H2BC12: variants seen among roughly 807,000 people sequenced by gnomAD.
H2BC12 encodes the protein H2B clustered histone 12.
A neutral mutation model predicts 6.3 loss-of-function variants in H2BC12; 6 were observed. The observed-to-expected ratio is 0.95, with a 90% CI of 0.52 to 1.87. The LOEUF is 1.87. Among genes scored for constraint, H2BC12 ranks in the 40% most tolerant of loss-of-function variants. The probability of loss-of-function intolerance (pLI) is 0.01; values close to 1 mark genes in which losing one functional copy is unlikely to be tolerated. For missense variants in H2BC12, 119 were observed against 178.4 expected, an observed-to-expected ratio of 0.67 and a Z score of 1.90; for synonymous variants, 132 against 78.5, an observed-to-expected ratio of 1.68 and a Z score of -3.60.
rs769686991 is a variant in H2BC12, at chr6:27,146,812, T to G, written c.-14A>C. The G allele has an allele frequency of 1.9e-6, 3 of 1,613,050 alleles. No individual in the cohort carries two copies. The East Asian group carries it at 6.7e-5, about 36-fold the overall frequency. On this transcript the variant is annotated 5_prime_UTR_variant, in exon 1 of 1. Transcript: ENST00000356950. ...TGGTTCCGGCATGTTGAAGGCGAAC[T>G]ACGAGCCTGAGACGAGCAGCAGATC... is the stretch of plus-strand genomic sequence containing the variant.
At chr6:27,142,845 C>G (rs1381895437), downstream of H2BC12, among the ~76,000 whole-genome samples, 1 of 150,636 alleles carries the variant, frequency 6.6e-6, no homozygotes, top group Non-Finnish European at 1.5e-5. Context: ...CCATACTGGC[C>G]AGGCAGGTCT....
downstream of H2BC12, chr6:27,146,335 T>C: frequency 6.3e-7 from 1 of 1,590,282 alleles, no homozygotes; most frequent in Non-Finnish European, 8.6e-7. Flanking sequence ...TAGGAACACG[T>C]GTTTACAGCT....
chr6:27,145,800 GCTC>G (rs1201376031), downstream of H2BC12, among the ~76,000 whole-genome samples: 1 of 152,292 alleles, frequency 6.6e-6, no homozygotes, highest in Admixed American at 6.5e-5. Flanking sequence ...GAAAAGCTGT[GCTC>G]CTCCCCTTAC....
downstream of H2BC12, among the ~76,000 whole-genome samples, chr6:27,143,355 A>G (rs891492226): frequency 2.0e-5 from 3 of 148,624 alleles, no homozygotes; most frequent in African/African-American, 7.7e-5. Flanking sequence ...GTCTCAAAAA[A>G]AAGAAAAAAA....
chr6:27,146,124 C>T (rs1370605448), downstream of H2BC12, among the ~76,000 whole-genome samples: 1 of 152,216 alleles, frequency 6.6e-6, no homozygotes, highest in Non-Finnish European at 1.5e-5. Flanking sequence ...ATTTTCGCGC[C>T]AAGAGCCAGG....
downstream of H2BC12, among the ~76,000 whole-genome samples, chr6:27,145,600 C>A (rs551621156): frequency 6.6e-6 from 1 of 152,276 alleles, no homozygotes; most frequent in South Asian, 2.1e-4. Context: ...TGCTTCGGGG[C>A]GGACTGTCTC....
the H2BC12 span, among the ~76,000 whole-genome samples, chr6:27,140,495 ATACTT>A: frequency 3.3e-5 from 5 of 152,088 alleles, no homozygotes; most frequent in African/African-American, 9.7e-5. Context: ...GTGTCAGTAA[ATACTT>A]TATTCATTTC....
downstream of H2BC12, among the ~76,000 whole-genome samples, chr6:27,144,418 C>T (rs1270439093): frequency 7.7e-6 from 1 of 130,200 alleles, no homozygotes; most frequent in African/African-American, 2.9e-5. Flanking sequence ...GCCAAGATCT[C>T]GCCGTTGCAC....
At chr6:27,140,385 C>CTATTT in the H2BC12 span, among the ~76,000 whole-genome samples, 1 of 152,198 alleles carries the variant, frequency 6.6e-6, no homozygotes, top group Non-Finnish European at 1.5e-5. Context: ...TACCCCTAAT[C>CTATTT]TATTTTAATC....
the H2BC12 span, among the ~76,000 whole-genome samples, chr6:27,140,811 T>C: frequency 6.6e-6 from 1 of 152,152 alleles, no homozygotes; most frequent in African/African-American, 2.4e-5. Flanking sequence ...ACAGTTTTTA[T>C]TTTATGAGAT....
downstream of H2BC12, among the ~76,000 whole-genome samples, chr6:27,142,924 C>T (rs534175082): frequency 2.6e-5 from 4 of 152,146 alleles, no homozygotes; most frequent in Non-Finnish European, 4.4e-5. Context: ...CATGAGCCAT[C>T]GCACGTGGCC....
In H2BC12 at chr6:27,146,738, T is replaced by C. The variant is rs1454967257; in HGVS notation, c.61A>G (p.Lys21Glu). ...PKKGSKKAVT[K>E]AQKKDGKKRK... ...TTCTTGCCGTCCTTCTTCTGCGCCT[T>C]AGTCACGGCTTTCTTCGAGCCCTTC... Residue 21 changes from lysine (K) to glutamate (E), a missense_variant, in exon 1 of 1, where the codon AAG becomes GAG. Coordinates refer to ENST00000356950, the MANE Select transcript of H2BC12 (RefSeq NM_001312653.2). The C allele has an allele frequency of 2.5e-6, 4 of 1,614,126 alleles. No homozygotes were observed. Among genetic ancestry groups the C allele is most frequent in the Non-Finnish European group, 3.4e-6 (4 of 1,180,040 alleles).
chr6:27,145,924 C>A (rs1457983099), downstream of H2BC12, among the ~76,000 whole-genome samples: 1 of 152,076 alleles, frequency 6.6e-6, no homozygotes, highest in Admixed American at 6.6e-5. Context: ...CTGGGTACAG[C>A]CTAGAAGAGG....
At chr6:27,144,639 G>A (rs1166132841), downstream of H2BC12, among the ~76,000 whole-genome samples, 2 of 150,286 alleles carry the variant, frequency 1.3e-5, no homozygotes, top group African/African-American at 4.9e-5. Flanking sequence ...AGGACTGAAA[G>A]TAAATTGTAT....
downstream of H2BC12, among the ~76,000 whole-genome samples, chr6:27,143,879 CAG>C (rs1165611143): frequency 2.1e-5 from 3 of 140,556 alleles, no homozygotes; most frequent in South Asian, 4.4e-4. Flanking sequence ...ATTTATGAGA[CAG>C]GAGACAATTT....
rs1265514538 is a variant in H2BC12, at chr6:27,146,689, C to T, written c.110G>A (p.Ser37Asn). Reference sequence around the variant, plus strand: ...CACCTTGTACACGTATACGGAGTAGCTCTCCTTGCGGCTGCGCTTGCGCTT... The same window carrying T: ...CACCTTGTACACGTATACGGAGTAGTTCTCCTTGCGGCTGCGCTTGCGCTT... ...GKKRKRSRKE[S>N]YSVYVYKVLK... is the part of the protein sequence containing the mutation. The change falls in exon 1 of 1, where the codon AGC becomes AAC. Residue 37 changes from serine to asparagine, a missense_variant. Physicochemically the swap from Ser to Asn is conservative, Grantham distance 46. Transcript: ENST00000356950. The T allele has an allele frequency of 1.2e-6, 2 of 1,614,276 alleles. No homozygotes were observed. The highest frequency in any genetic ancestry group is 1.7e-5 in the Admixed American group (1 of 60,028).
At position 27,146,799 on chromosome 6, in the gene H2BC12, G is replaced by C. The variant is rs146052625; in HGVS notation, c.-1C>G. ...GAGCGGACTTCGCTGGTTCCGGCAT[G>C]TTGAAGGCGAACTACGAGCCTGAGA... is the stretch of plus-strand genomic sequence containing the variant. On this transcript the variant is annotated 5_prime_UTR_variant, in exon 1 of 1. Coordinates refer to ENST00000356950, the MANE Select transcript of H2BC12 (RefSeq NM_001312653.2). 115 of 1,613,728 alleles carry C rather than the reference G, an allele frequency of 7.1e-5. 1 individual carries two copies. In the African/African-American group the frequency reaches 1.5e-3, roughly 20 times the overall value.
downstream of H2BC12, among the ~76,000 whole-genome samples, chr6:27,145,243 G>A (rs1040947704): frequency 2.0e-5 from 3 of 151,558 alleles, no homozygotes; most frequent in Non-Finnish European, 2.9e-5. Context: ...AAATGCCTAA[G>A]GGCGGGCAAT....
chr6:27,144,653 A>C (rs541604573), downstream of H2BC12, among the ~76,000 whole-genome samples: 4 of 148,354 alleles, frequency 2.7e-5, no homozygotes, highest in Non-Finnish European at 6.1e-5. Context: ...ATTGTATAAA[A>C]TCAAGATGAT....
Sources: gnomAD v4.1 joint callset for allele counts (sites outside exome capture counted in the v4.1 genomes callset) on GRCh38, gnomAD v4.1.1 for gene constraint, MANE v1.5 for transcripts, NCBI Gene and HGNC (gene_info 2026-07-23, HGNC 2026-07-21) for gene names.